DMD: variants seen among roughly 807,000 people sequenced by gnomAD.
DMD encodes the protein dystrophin, also known as mutant dystrophin.
Under a neutral mutation model 330.1 loss-of-function variants are expected in DMD, and 63 were observed. That is an observed-to-expected ratio of 0.19 (90% CI 0.16 to 0.24). The LOEUF (loss-of-function observed/expected upper bound fraction) is 0.24. Among genes scored for constraint, DMD ranks in the 10% least tolerant of loss-of-function variants. The pLI is 1.00. For missense variants in DMD, 3,344 were observed against 2,684.1 expected, an observed-to-expected ratio of 1.25 and a Z score of -5.43; for synonymous variants, 1,223 against 959.8, an observed-to-expected ratio of 1.27 and a Z score of -5.07.
chrX:32,485,734 C>CT (rs5902034), intron 20 of DMD, among the ~76,000 whole-genome samples: 440 of 36,124 alleles, frequency 0.012, 46 homozygotes, highest in African/African-American at 0.02. Flanking sequence ...GCAACCACTG[C>CT]TTTTTTTTTT....
chrX:32,539,274 A>T (rs1326601648), intron 17 of DMD, among the ~76,000 whole-genome samples: 1 of 109,905 alleles, frequency 9.1e-6, no homozygotes, highest in Non-Finnish European at 1.9e-5. Flanking sequence ...TGACATTGCA[A>T]CTATAACACT....
intron 1 of DMD, among the ~76,000 whole-genome samples, chrX:33,278,726 T>C (rs2053274932): frequency 9.0e-6 from 1 of 111,214 alleles, no homozygotes; most frequent in Non-Finnish European, 1.9e-5. Context: ...CAAATGGTAG[T>C]CCTTACTTTT....
At chrX:32,711,779 C>T (rs1444975572) in intron 7 of DMD, among the ~76,000 whole-genome samples, 1 of 111,656 alleles carries the variant, frequency 9.0e-6, no homozygotes, top group Non-Finnish European at 1.9e-5. Context: ...TCCATTCAGC[C>T]ATTCTTTTAG....
rs182525414 is a variant in DMD at position 32,898,826 on chromosome X, C to T, written c.94-49006G>A. Reference sequence around the variant, plus strand: ...TACCTGCCAGTTTCTTCACTTTATCCTCTGGGAATGGGAAATAAGTCCTGC... The same window carrying T: ...TACCTGCCAGTTTCTTCACTTTATCTTCTGGGAATGGGAAATAAGTCCTGC... On this transcript the variant is annotated intron_variant, in intron 2 of 78. Coordinates refer to ENST00000357033, the MANE Select transcript of DMD (RefSeq NM_004006.3). Among the ~76,000 whole-genome samples the T allele has an allele frequency of 6.3e-5, 7 of 111,269 alleles. No individual in the cohort carries two copies. The East Asian group carries it at 2.0e-3, about 32-fold the overall frequency.
At chrX:32,810,254 C>G (rs927107754) in intron 6 of DMD, among the ~76,000 whole-genome samples, 3 of 111,872 alleles carry the variant, frequency 2.7e-5, no homozygotes, top group Admixed American at 9.5e-5. Flanking sequence ...ATCCAAGCAA[C>G]AAAAATTTAT....
At chrX:31,731,769 C>A (rs2086522989) in intron 51 of DMD, among the ~76,000 whole-genome samples, 1 of 111,296 alleles carries the variant, frequency 9.0e-6, no homozygotes, top group African/African-American at 3.3e-5. Flanking sequence ...TTCACTCTCA[C>A]ATAACCAGAT....
intron 1 of DMD, among the ~76,000 whole-genome samples, chrX:33,290,426 AT>A (rs1328548330): frequency 3.6e-5 from 4 of 111,158 alleles, no homozygotes; most frequent in Non-Finnish European, 7.6e-5. Flanking sequence ...GCGGCTCCTT[AT>A]TTTTTTGGTT....
At chrX:32,596,007 C>A (rs988680478) in intron 12 of DMD, 131 bp from the exon 13 acceptor site, 4 of 568,398 alleles carry the variant, frequency 7.0e-6, no homozygotes, top group African/African-American at 2.3e-5. Context: ...AACCTAAAAC[C>A]ATTCCAAGCC....
At chrX:32,218,483 T>C (rs2097121412) in intron 43 of DMD, among the ~76,000 whole-genome samples, 1 of 111,878 alleles carries the variant, frequency 8.9e-6, no homozygotes, top group Admixed American at 9.5e-5. Flanking sequence ...AACTCTATTC[T>C]TAAGAAGCAA....
chrX:32,499,481 G>A (rs1220034959), intron 19 of DMD, among the ~76,000 whole-genome samples: 3 of 111,219 alleles, frequency 2.7e-5, no homozygotes, highest in Non-Finnish European at 5.7e-5. Flanking sequence ...AACTATACGT[G>A]GTTAAGAGGA....
intron 60 of DMD, among the ~76,000 whole-genome samples, chrX:31,424,688 T>C (rs931139142): frequency 2.7e-5 from 3 of 112,608 alleles, no homozygotes; most frequent in African/African-American, 9.7e-5. Context: ...TTAGCTTCTC[T>C]TTCAAAATTA....
chrX:32,140,694 T>A (rs2096748217), intron 44 of DMD, among the ~76,000 whole-genome samples: 1 of 111,489 alleles, frequency 9.0e-6, no homozygotes, highest in African/African-American at 3.3e-5. Flanking sequence ...AAGGCACTTC[T>A]TACATGGAAG....
intron 45 of DMD, among the ~76,000 whole-genome samples, chrX:31,933,077 C>A (rs1268298213): frequency 9.0e-6 from 1 of 111,729 alleles, no homozygotes; most frequent in Non-Finnish European, 1.9e-5. Context: ...TGAGAACCAA[C>A]TAAAGTAAGT....
intron 49 of DMD, among the ~76,000 whole-genome samples, chrX:31,822,652 GGGTGTGTGTGT>G (rs1321707424): frequency 3.7e-4 from 25 of 68,386 alleles, no homozygotes; most frequent in Non-Finnish European, 5.6e-4. Context: ...AAAGGCAGAG[GGGTGTGTGTGT>G]GTGTGTGTGT....
At chrX:31,292,623 T>C (rs1001337544) in intron 62 of DMD, among the ~76,000 whole-genome samples, 1 of 111,673 alleles carries the variant, frequency 9.0e-6, no homozygotes, top group Non-Finnish European at 1.9e-5. Context: ...CCAAACACAG[T>C]TGTACACACG....
intron 1 of DMD, among the ~76,000 whole-genome samples, chrX:33,290,544 G>T (rs1054628367): frequency 7.2e-5 from 8 of 111,178 alleles, no homozygotes; most frequent in Non-Finnish European, 1.5e-4. Context: ...CCTCATTCTA[G>T]CTGTGCTTGA....
At chrX:32,538,520 C>T (rs756205128) in intron 17 of DMD, among the ~76,000 whole-genome samples, 1 of 111,035 alleles carries the variant, frequency 9.0e-6, no homozygotes, top group Non-Finnish European at 1.9e-5. Context: ...CTGCCTGCAC[C>T]CAGGTGAAAT....
intron 1 of DMD, among the ~76,000 whole-genome samples, chrX:33,173,811 G>A (rs2049492066): frequency 9.1e-6 from 1 of 109,856 alleles, no homozygotes. Flanking sequence ...CATAAGCTGA[G>A]GTAATTCATA....
At chrX:33,010,358 A>G (rs1445404776) in intron 2 of DMD, among the ~76,000 whole-genome samples, 1 of 104,617 alleles carries the variant, frequency 9.6e-6, no homozygotes, top group Non-Finnish European at 1.9e-5. Flanking sequence ...GTGTGTATGT[A>G]TATCCATATA....
Sources: gnomAD v4.1 joint callset for allele counts (sites outside exome capture counted in the v4.1 genomes callset) on GRCh38, gnomAD v4.1.1 for gene constraint, MANE v1.5 for transcripts, NCBI Gene and HGNC (gene_info 2026-07-23, HGNC 2026-07-21) for gene names.